Variants in KCND2 observed in about 807,000 individuals in gnomAD.
KCND2 encodes the protein potassium voltage-gated channel subfamily D member 2, also known as A-type voltage-gated potassium channel KCND2.
Under a neutral mutation model 54.4 loss-of-function variants are expected in KCND2, and 16 were observed. The ratio of observed to expected loss-of-function variants is 0.29; its 90% CI spans 0.20 to 0.45. The LOEUF (loss-of-function observed/expected upper bound fraction) is 0.45. KCND2 is among the 20% of genes least tolerant of loss of function. KCND2 has a pLI of 1.00. For synonymous variants in KCND2, 317 were observed against 310.7 expected, an observed-to-expected ratio of 1.02 and a Z score of -0.21; for missense variants, 486 against 824.2, an observed-to-expected ratio of 0.59 and a Z score of 5.02.
At chr7:120,689,280 T>C (rs978525905) in intron 1 of KCND2, among the ~76,000 whole-genome samples, 2 of 152,172 alleles carry the variant, frequency 1.3e-5, no homozygotes, top group African/African-American at 4.8e-5. Context: ...GAGGAAATAG[T>C]GGCATTGTTT....
chr7:120,455,413 A>C (rs10953914), intron 1 of KCND2, among the ~76,000 whole-genome samples: 25,859 of 152,142 alleles, frequency 0.17, 2,846 homozygotes, highest in East Asian at 0.56. Flanking sequence ...CTATAGTGGA[A>C]GGCAGTGTGG....
chr7:120,324,792 T>C (rs1241222236), intron 1 of KCND2, among the ~76,000 whole-genome samples: 4 of 151,910 alleles, frequency 2.6e-5, no homozygotes, highest in Admixed American at 2.6e-4. Flanking sequence ...GGCTCTTTTT[T>C]GGTTCCATAT....
intron 1 of KCND2, among the ~76,000 whole-genome samples, chr7:120,627,606 T>C (rs1584860001): frequency 6.6e-6 from 1 of 152,266 alleles, no homozygotes; most frequent in Non-Finnish European, 1.5e-5. Flanking sequence ...AGCAGTCACA[T>C]ATATAAGCTT....
intron 1 of KCND2, among the ~76,000 whole-genome samples, chr7:120,358,895 C>A (rs1307791333): frequency 6.6e-6 from 1 of 152,114 alleles, no homozygotes; most frequent in Non-Finnish European, 1.5e-5. Flanking sequence ...TCTTTTTTTA[C>A]TACCTACATT....
intron 1 of KCND2, among the ~76,000 whole-genome samples, chr7:120,345,733 T>G (rs1800307610): frequency 6.8e-6 from 1 of 147,436 alleles, no homozygotes; most frequent in South Asian, 2.1e-4. Flanking sequence ...ACATTTTGTT[T>G]ATACATTTAT....
rs575582544 is a variant in KCND2 at position 120,748,859 on chromosome 7, A to G, written c.*1001A>G. On this transcript the variant is annotated 3_prime_UTR_variant, in exon 6 of 6. Coordinates refer to ENST00000331113, the MANE Select transcript of KCND2 (RefSeq NM_012281.3). The stretch of plus-strand genomic sequence containing the variant: ...CTCTCTATTGGGTTTATCATCATCA[A>G]CAAGACTACTGTTTACTGTAGTTCA... 1 of 152,064 alleles carries G rather than the reference A, an allele frequency of 6.6e-6. No homozygotes were observed. The highest frequency in any genetic ancestry group is 2.1e-4 in the South Asian group (1 of 4,828). The allele number at this position is 152,064 out of a possible 1,614,324, so 9.4% of individuals were successfully genotyped here. A position where few individuals can be genotyped will look rare whatever the true frequency, so the allele number is the denominator to read the frequency against.
chr7:120,628,243 C>T (rs1050181613), intron 1 of KCND2, among the ~76,000 whole-genome samples: 2 of 152,180 alleles, frequency 1.3e-5, no homozygotes, highest in Non-Finnish European at 2.9e-5. Flanking sequence ...AGTCTCCTCT[C>T]GTGAGTTGAG....
intron 1 of KCND2, among the ~76,000 whole-genome samples, chr7:120,360,300 G>A (rs1048249111): frequency 3.3e-5 from 5 of 151,978 alleles, no homozygotes; most frequent in African/African-American, 1.2e-4. Flanking sequence ...AGCCTTAAAA[G>A]GTTATCCTTT....
chr7:120,394,914 T>C (rs1465225677), intron 1 of KCND2, among the ~76,000 whole-genome samples: 3 of 152,052 alleles, frequency 2.0e-5, no homozygotes, highest in Admixed American at 2.0e-4. Flanking sequence ...AAGTTTCTTT[T>C]AATTTTTCTG....
intron 1 of KCND2, among the ~76,000 whole-genome samples, chr7:120,587,346 C>T (rs1792612664): frequency 6.6e-6 from 1 of 152,152 alleles, no homozygotes; most frequent in Non-Finnish European, 1.5e-5. Flanking sequence ...TCGCAAATTC[C>T]ATTTACAACC....
intron 1 of KCND2, among the ~76,000 whole-genome samples, chr7:120,402,309 C>CA (rs78971953): frequency 0.073 from 11,064 of 152,030 alleles, 1,159 homozygotes; most frequent in East Asian, 0.53. Flanking sequence ...CCTTCCCCCA[C>CA]AAAAAAGGAT....
intron 1 of KCND2, among the ~76,000 whole-genome samples, chr7:120,651,669 C>T (rs1328667939): frequency 2.6e-5 from 4 of 152,148 alleles, no homozygotes; most frequent in African/African-American, 4.8e-5. Flanking sequence ...CCTGGTATCT[C>T]GGTTGGAAAT....
intron 1 of KCND2, among the ~76,000 whole-genome samples, chr7:120,707,529 A>G (rs1304084368): frequency 6.6e-6 from 1 of 152,150 alleles, no homozygotes; most frequent in East Asian, 1.9e-4. Flanking sequence ...GAAGTGAAAA[A>G]CAATAGCAAT....
intron 1 of KCND2, among the ~76,000 whole-genome samples, chr7:120,690,908 C>T (rs920947014): frequency 3.3e-5 from 5 of 151,828 alleles, no homozygotes; most frequent in East Asian, 3.9e-4. Flanking sequence ...AAAAAGAAAA[C>T]GAGAATGAGG....
At chr7:120,430,508 G>C (rs1481070882) in intron 1 of KCND2, among the ~76,000 whole-genome samples, 7 of 151,874 alleles carry the variant, frequency 4.6e-5, no homozygotes, top group Non-Finnish European at 8.8e-5. Context: ...TACTCGGGAG[G>C]CTGAAGCAGG....
At chr7:120,410,339 C>A (rs1801430724) in intron 1 of KCND2, among the ~76,000 whole-genome samples, 1 of 151,720 alleles carries the variant, frequency 6.6e-6, no homozygotes, top group South Asian at 2.1e-4. Context: ...TAATTATGTT[C>A]TTATTGTTTA....
At chr7:120,369,957 A>G (rs1451441464) in intron 1 of KCND2, among the ~76,000 whole-genome samples, 1 of 152,044 alleles carries the variant, frequency 6.6e-6, no homozygotes, top group Non-Finnish European at 1.5e-5. Flanking sequence ...GACAAAAATG[A>G]AAAAGCAAAT....
chr7:120,632,544 T>G (rs575242231), intron 1 of KCND2, among the ~76,000 whole-genome samples: 27 of 152,290 alleles, frequency 1.8e-4, no homozygotes, highest in African/African-American at 6.5e-4. Context: ...TGATAGTCTT[T>G]CCATTTTATA....
At chr7:120,307,064 G>C (rs765352273) in intron 1 of KCND2, among the ~76,000 whole-genome samples, 20 of 151,938 alleles carry the variant, frequency 1.3e-4, no homozygotes, top group Non-Finnish European at 2.4e-4. Context: ...TCATACGTTT[G>C]CTTTTAAAAT....
Sources: allele counts gnomAD v4.1 joint callset (sites outside exome capture counted in the v4.1 genomes callset), GRCh38; gene constraint gnomAD v4.1.1; transcripts MANE v1.5; gene names NCBI Gene and HGNC (gene_info 2026-07-23, HGNC 2026-07-21).